CSMD1: variants seen among roughly 807,000 people sequenced by gnomAD.
The protein encoded by CSMD1 is CUB and Sushi multiple domains 1, also known as CUB and sushi domain-containing protein 1.
Under a neutral mutation model 417.5 loss-of-function variants are expected in CSMD1, and 213 were observed. The ratio of observed to expected loss-of-function variants is 0.51; its 90% CI spans 0.46 to 0.57. The LOEUF (loss-of-function observed/expected upper bound fraction) is 0.57. Among genes scored for constraint, CSMD1 ranks in the 20% least tolerant of loss-of-function variants. The probability of loss-of-function intolerance (pLI) is 0.00; values close to 1 mark genes in which losing one functional copy is unlikely to be tolerated. For synonymous variants in CSMD1, 2,862 were observed against 1,736.8 expected, an observed-to-expected ratio of 1.65 and a Z score of -16.11; for missense variants, 6,923 against 4,529.7, an observed-to-expected ratio of 1.53 and a Z score of -15.17.
At chr8:4,458,794 A>ATT (rs34057291) in intron 2 of CSMD1, among the ~76,000 whole-genome samples, 23 of 152,186 alleles carry the variant, frequency 1.5e-4, no homozygotes, top group African/African-American at 5.5e-4. Flanking sequence ...GGAATATTTA[A>ATT]TTTTTTTTAA....
chr8:4,035,547 T>A (rs905067452), intron 3 of CSMD1, among the ~76,000 whole-genome samples: 2 of 152,172 alleles, frequency 1.3e-5, no homozygotes, highest in African/African-American at 2.4e-5. Flanking sequence ...GTGGAAGAGA[T>A]GACCCCGTGC....
chr8:3,898,711 G>C (rs973565647), intron 5 of CSMD1, among the ~76,000 whole-genome samples: 2 of 152,124 alleles, frequency 1.3e-5, no homozygotes, highest in African/African-American at 2.4e-5. Flanking sequence ...GACAGGTGTA[G>C]GAATTCCTGA....
At chr8:3,265,039 C>A (rs1028506677) in intron 26 of CSMD1, among the ~76,000 whole-genome samples, 2 of 152,140 alleles carry the variant, frequency 1.3e-5, no homozygotes, top group African/African-American at 4.8e-5. Flanking sequence ...ATGGGAAAAG[C>A]ATCTTTAGGG....
Position 3,015,604 on chromosome 8 carries a change from T to TTA in CSMD1, c.8029+2871_8029+2872dup, listed in dbSNP as rs544891382. On this transcript the variant is annotated intron_variant, in intron 52 of 69. Transcript: ENST00000635120. ...CAAACTCACATGGCGTCTTGTGAAA[T>TTA]TATATATATATATATCTCCTTACCA... Among the ~76,000 whole-genome samples, 48 of 150,728 alleles carry TTA rather than the reference T, an allele frequency of 3.2e-4. No individual in the cohort carries two copies. In the South Asian group the frequency reaches 4.6e-3, roughly 15 times the overall value.
chr8:4,923,837 G>T (rs1192154836), intron 1 of CSMD1, among the ~76,000 whole-genome samples: 1 of 152,132 alleles, frequency 6.6e-6, no homozygotes, highest in African/African-American at 2.4e-5. Context: ...AATAATAAAT[G>T]AGATAATGAA....
chr8:4,408,246 C>G (rs916157517), intron 3 of CSMD1, among the ~76,000 whole-genome samples: 4 of 152,268 alleles, frequency 2.6e-5, no homozygotes, highest in African/African-American at 9.6e-5. Context: ...TGGTGTTTCT[C>G]TCTCCTCAGA....
intron 3 of CSMD1, among the ~76,000 whole-genome samples, chr8:4,340,759 A>G (rs35922761): frequency 0.14 from 22,029 of 152,120 alleles, 2,038 homozygotes; most frequent in Middle Eastern, 0.22. Context: ...AAACTCTGCA[A>G]AACTGTCAAG....
chr8:4,044,641 C>G (rs1798055000), intron 3 of CSMD1, among the ~76,000 whole-genome samples: 1 of 152,196 alleles, frequency 6.6e-6, no homozygotes, highest in South Asian at 2.1e-4. Flanking sequence ...CATAGCGCAC[C>G]CTGTACGTGT....
chr8:3,290,286 C>G (rs1327571895), intron 25 of CSMD1, among the ~76,000 whole-genome samples: 1 of 146,924 alleles, frequency 6.8e-6, no homozygotes, highest in Non-Finnish European at 1.5e-5. Context: ...GTTCTTTTGG[C>G]TTAGGATTGA....
chr8:2,957,874 C>A, intron 62 of CSMD1, 67 bp from the exon 63 acceptor site: 1 of 1,078,406 alleles, frequency 9.3e-7, no homozygotes, highest in Non-Finnish European at 1.4e-6. Flanking sequence ...CTAGTGATAC[C>A]TGAAAGTACA....
intron 5 of CSMD1, among the ~76,000 whole-genome samples, chr8:3,982,671 C>T (rs1459900278): frequency 1.3e-5 from 2 of 151,554 alleles, no homozygotes; most frequent in Non-Finnish European, 2.9e-5. Flanking sequence ...GATCTGAGAC[C>T]AGGGTGGCGG....
At position 4,620,153 on chromosome 8, in the gene CSMD1, A is replaced by G. The variant is rs948265388; in HGVS notation, c.302+17189T>C. Among the ~76,000 whole-genome samples the G allele has an allele frequency of 2.0e-5, 3 of 151,876 alleles. No homozygotes were observed. The East Asian group carries it at 5.8e-4, about 29-fold the overall frequency. ...TTTTTCCCTTTTTAAGAGTAGGACT[A>G]TAAAGATATGTCTCCATTGTGTTTG... On this transcript the variant is annotated intron_variant, in intron 2 of 69. Coordinates refer to ENST00000635120, the MANE Select transcript of CSMD1 (RefSeq NM_033225.6).
At chr8:4,534,102 G>A (rs1406465390) in intron 2 of CSMD1, among the ~76,000 whole-genome samples, 2 of 152,138 alleles carry the variant, frequency 1.3e-5, no homozygotes, top group South Asian at 2.1e-4. Flanking sequence ...ATGTACACAT[G>A]TACACAATCT....
intron 1 of CSMD1, among the ~76,000 whole-genome samples, chr8:4,752,107 T>C (rs1386938253): frequency 2.6e-5 from 4 of 152,174 alleles, no homozygotes; most frequent in South Asian, 4.1e-4. Flanking sequence ...ATGTATCACA[T>C]ATATATATCA....
At chr8:3,956,231 T>C (rs1189915151) in intron 5 of CSMD1, among the ~76,000 whole-genome samples, 2 of 147,962 alleles carry the variant, frequency 1.4e-5, no homozygotes, top group Non-Finnish European at 2.9e-5. Flanking sequence ...TGCCAGGTGG[T>C]GTTGTTAACT....
chr8:3,260,348 T>G (rs540626561), intron 26 of CSMD1, among the ~76,000 whole-genome samples: 3 of 152,090 alleles, frequency 2.0e-5, no homozygotes. Flanking sequence ...AACCAGCAGC[T>G]GGAGTTTTGT....
intron 50 of CSMD1, among the ~76,000 whole-genome samples, chr8:3,039,285 T>TCTCC: frequency 4.3e-5 from 2 of 45,994 alleles, no homozygotes; most frequent in African/African-American, 1.3e-4. Context: ...TCCTTCCTTC[T>TCTCC]TTTCCTTACT....
At chr8:3,940,420 T>C (rs1470590091) in intron 5 of CSMD1, among the ~76,000 whole-genome samples, 2 of 152,182 alleles carry the variant, frequency 1.3e-5, no homozygotes, top group African/African-American at 2.4e-5. Flanking sequence ...GTTTATAATA[T>C]GTATGTTGTA....
chr8:4,853,198 C>A (rs961772068), intron 1 of CSMD1, among the ~76,000 whole-genome samples: 1 of 152,108 alleles, frequency 6.6e-6, no homozygotes, highest in Non-Finnish European at 1.5e-5. Flanking sequence ...TGCTGCTAGC[C>A]AAGACAATGG....
Sources: gnomAD v4.1 joint callset for allele counts (sites outside exome capture counted in the v4.1 genomes callset) on GRCh38, gnomAD v4.1.1 for gene constraint, MANE v1.5 for transcripts, NCBI Gene and HGNC (gene_info 2026-07-23, HGNC 2026-07-21) for gene names.